The following CNTNAP5 variants were observed in gnomAD, a reference collection of about 807,000 sequenced individuals.
CNTNAP5 encodes the protein contactin associated protein family member 5.
A neutral mutation model predicts 150.2 loss-of-function variants in CNTNAP5; 72 were observed. That is an observed-to-expected ratio of 0.48 (90% CI 0.40 to 0.58). The LOEUF (loss-of-function observed/expected upper bound fraction) is 0.58, where lower values mean the gene tolerates loss of function less well. Ranked by LOEUF, CNTNAP5 falls within the 20% of genes least tolerant of loss-of-function variation. CNTNAP5 has a pLI of 0.00. For synonymous variants in CNTNAP5, 672 were observed against 619.8 expected (o/e 1.08, Z -1.25); for missense variants, 1,636 against 1,626.2 (o/e 1.01, Z -0.10).
chr2:124,431,506 A>AAC (rs1468693310), intron 4 of CNTNAP5, among the ~76,000 whole-genome samples: 1 of 116,036 alleles, frequency 8.6e-6, no homozygotes, highest in Admixed American at 9.3e-5. Context: ...AAAAGTGTCA[A>AAC]AGATATATAT....
chr2:124,535,207 T>A (rs533869605), intron 10 of CNTNAP5, among the ~76,000 whole-genome samples: 2 of 152,040 alleles, frequency 1.3e-5, no homozygotes, highest in African/African-American at 4.8e-5. Context: ...TCCGAGGAGA[T>A]CCCCCAGCTC....
chr2:124,584,400 G>A (rs936034441), intron 11 of CNTNAP5, among the ~76,000 whole-genome samples: 1 of 152,050 alleles, frequency 6.6e-6, no homozygotes, highest in African/African-American at 2.4e-5. Flanking sequence ...GAATTACAAC[G>A]TGATTTGTAT....
At chr2:124,802,116 C>T (rs1408453782) in intron 19 of CNTNAP5, among the ~76,000 whole-genome samples, 1 of 152,180 alleles carries the variant, frequency 6.6e-6, no homozygotes, top group African/African-American at 2.4e-5. Flanking sequence ...AAGTATCCGC[C>T]TCCAGGTTGT....
At chr2:124,848,752 C>T (rs562778372) in intron 19 of CNTNAP5, among the ~76,000 whole-genome samples, 3 of 152,134 alleles carry the variant, frequency 2.0e-5, no homozygotes, top group South Asian at 4.2e-4. Context: ...TGATGAGTAG[C>T]GATATTGAGC....
chr2:124,367,163 G>C (rs538688589), intron 3 of CNTNAP5, among the ~76,000 whole-genome samples: 2 of 152,182 alleles, frequency 1.3e-5, no homozygotes, highest in African/African-American at 2.4e-5. Context: ...GTTGCTTGAC[G>C]AACAGAGACA....
rs768608579 is a variant in CNTNAP5, at chr2:124,911,556, G to C, written c.3727+18G>C. ...CATCGGAGGTAAACAATTCATTGTT[G>C]TTGAATGCAAAAAGACATAAACGAT... is the stretch of plus-strand genomic sequence containing the variant. On this transcript the variant is annotated intron_variant, in intron 23 of 23. Coordinates refer to ENST00000682447, the MANE Select transcript of CNTNAP5 (RefSeq NM_001367498.1). 6.4e-7 allele frequency: 1 copy of C among 1,566,556 alleles called. No individual in the cohort carries two copies. Among genetic ancestry groups the C allele is most frequent in the Non-Finnish European group, 8.7e-7 (1 of 1,148,776 alleles).
intron 3 of CNTNAP5, among the ~76,000 whole-genome samples, chr2:124,256,223 C>T (rs1471609386): frequency 2.0e-5 from 3 of 152,068 alleles, no homozygotes; most frequent in Non-Finnish European, 4.4e-5. Context: ...TTGTCAATGT[C>T]TTTCTAGCTG....
At chr2:124,792,847 C>A (rs1045055671) in intron 18 of CNTNAP5, among the ~76,000 whole-genome samples, 2 of 152,156 alleles carry the variant, frequency 1.3e-5, no homozygotes, top group African/African-American at 4.8e-5. Flanking sequence ...CATGTTATAA[C>A]ATTCATCATT....
At chr2:124,420,706 C>T (rs895563728) in intron 4 of CNTNAP5, among the ~76,000 whole-genome samples, 4 of 152,114 alleles carry the variant, frequency 2.6e-5, no homozygotes, top group Admixed American at 1.3e-4. Flanking sequence ...CTGAGAGAGA[C>T]GAAAATTCAC....
At chr2:124,608,425 T>C (rs1677301994) in intron 11 of CNTNAP5, among the ~76,000 whole-genome samples, 2 of 152,158 alleles carry the variant, frequency 1.3e-5, no homozygotes, top group South Asian at 4.1e-4. Context: ...TCAGGACACC[T>C]GAACCTGCCT....
At chr2:124,060,296 T>C (rs997898350) in intron 1 of CNTNAP5, among the ~76,000 whole-genome samples, 2 of 152,108 alleles carry the variant, frequency 1.3e-5, no homozygotes, top group African/African-American at 4.8e-5. Context: ...AAAGCATGAG[T>C]GAGTTTGTTT....
chr2:124,282,086 C>G (rs928020172), intron 3 of CNTNAP5, among the ~76,000 whole-genome samples: 6 of 152,060 alleles, frequency 3.9e-5, no homozygotes, highest in African/African-American at 1.4e-4. Flanking sequence ...AAGACTAGAG[C>G]TGCTAAAAAG....
At position 124,167,593 on chromosome 2, in the gene CNTNAP5, T is replaced by C. The variant is rs546674524; in HGVS notation, c.83-54112T>C. 4.6e-5 allele frequency among the ~76,000 whole-genome samples: 7 copies of C among 152,294 alleles called. No homozygotes were observed. The South Asian group carries it at 1.4e-3, about 32-fold the overall frequency. On this transcript the variant is annotated intron_variant, in intron 1 of 23. Transcript: ENST00000682447. ...CTACCGTGTACTCTCCCTAGTATTC[T>C]GAAAATAATTGTGGGGCAATGGAGA...
intron 13 of CNTNAP5, among the ~76,000 whole-genome samples, chr2:124,659,565 T>G (rs559328509): frequency 2.6e-4 from 40 of 152,318 alleles, no homozygotes; most frequent in East Asian, 1.7e-3. Context: ...TGACCTCACT[T>G]GCATCTCATT....
chr2:124,467,320 G>T (rs899112429), intron 6 of CNTNAP5, among the ~76,000 whole-genome samples: 5 of 152,058 alleles, frequency 3.3e-5, no homozygotes, highest in African/African-American at 7.3e-5. Flanking sequence ...AGTTCAAGAG[G>T]AAAAGCCAAG....
chr2:124,667,421 A>G (rs1162070687), intron 13 of CNTNAP5, among the ~76,000 whole-genome samples: 2 of 152,208 alleles, frequency 1.3e-5, no homozygotes, highest in Non-Finnish European at 2.9e-5. Context: ...TATCTTTGTC[A>G]CTGAACAACA....
intron 13 of CNTNAP5, among the ~76,000 whole-genome samples, chr2:124,651,813 C>T (rs7582110): frequency 3.2e-4 from 49 of 152,268 alleles, no homozygotes; most frequent in African/African-American, 1.1e-3. Context: ...CATTCCTGGG[C>T]GGCATCAGAG....
chr2:124,438,028 T>C (rs1221208874), intron 5 of CNTNAP5, among the ~76,000 whole-genome samples: 2 of 152,174 alleles, frequency 1.3e-5, no homozygotes, highest in Non-Finnish European at 2.9e-5. Context: ...AGGATGGCAC[T>C]GGGGACATAC....
At chr2:124,044,873 G>A (rs185552752) in intron 1 of CNTNAP5, among the ~76,000 whole-genome samples, 95 of 140,404 alleles carry the variant, frequency 6.8e-4, no homozygotes, top group Non-Finnish European at 1.2e-3. Context: ...ACAGACGGAA[G>A]CAATGGTAGT....
Sources: allele counts gnomAD v4.1 joint callset (sites outside exome capture counted in the v4.1 genomes callset), GRCh38; gene constraint gnomAD v4.1.1; transcripts MANE v1.5; gene names NCBI Gene and HGNC (gene_info 2026-07-23, HGNC 2026-07-21).